TYR: variants seen among roughly 807,000 people sequenced by gnomAD.
TYR encodes the protein LB24-AB.
A neutral mutation model predicts 51.5 loss-of-function variants in TYR; 58 were observed. The observed-to-expected ratio is 1.13, with a 90% CI of 0.91 to 1.40. The LOEUF is 1.40. Ranked by LOEUF, TYR falls within the 40% of genes most tolerant of loss-of-function variation. The pLI, the probability that TYR is intolerant of heterozygous loss-of-function variation, is 0.00. For missense variants in TYR, 732 were observed against 647.4 expected, an observed-to-expected ratio of 1.13 and a Z score of -1.42; for synonymous variants, 263 against 235.2, an observed-to-expected ratio of 1.12 and a Z score of -1.08.
intron 1 of TYR, among the ~76,000 whole-genome samples, chr11:89,190,248 G>A (rs1012788288): frequency 2.0e-5 from 3 of 151,982 alleles, no homozygotes; most frequent in Non-Finnish European, 4.4e-5. Flanking sequence ...TCCACAAAAC[G>A]CCTGGATGTT....
At chr11:89,280,263 T>C (rs1371350702) in intron 3 of TYR, among the ~76,000 whole-genome samples, 1 of 151,718 alleles carries the variant, frequency 6.6e-6, no homozygotes, top group African/African-American at 2.4e-5. Flanking sequence ...CTGTTCTGCC[T>C]ACTTTTTCTT....
intron 4 of TYR, among the ~76,000 whole-genome samples, chr11:89,290,588 A>T (rs1457712530): frequency 6.6e-6 from 1 of 152,052 alleles, no homozygotes. Flanking sequence ...AAAAACAGTA[A>T]CTTTCAAGGT....
intron 2 of TYR, among the ~76,000 whole-genome samples, chr11:89,227,397 C>T (rs1943989431): frequency 6.6e-6 from 1 of 152,098 alleles, no homozygotes; most frequent in African/African-American, 2.4e-5. Context: ...AGAAACCAAA[C>T]TTAAAGTGTT....
At chr11:89,180,035 C>T (rs1486961370) in intron 1 of TYR, among the ~76,000 whole-genome samples, 1 of 152,146 alleles carries the variant, frequency 6.6e-6, no homozygotes, top group Non-Finnish European at 1.5e-5. Flanking sequence ...CAAGTTTGTA[C>T]CCCATCCCAA....
At chr11:89,207,026 A>T (rs1943680770) in intron 2 of TYR, among the ~76,000 whole-genome samples, 1 of 152,094 alleles carries the variant, frequency 6.6e-6, no homozygotes, top group Non-Finnish European at 1.5e-5. Flanking sequence ...GGAAAGAGGT[A>T]AAGTCTCAAG....
chr11:89,197,465 A>G (rs918080927), intron 2 of TYR, among the ~76,000 whole-genome samples: 1 of 152,202 alleles, frequency 6.6e-6, no homozygotes, highest in Admixed American at 6.5e-5. Flanking sequence ...CCAATGTTTA[A>G]AAACCATAAC....
intron 3 of TYR, among the ~76,000 whole-genome samples, chr11:89,228,259 T>C (rs1050878933): frequency 9.2e-5 from 14 of 152,274 alleles, no homozygotes; most frequent in Non-Finnish European, 1.5e-4. Flanking sequence ...CACTAGATCC[T>C]GGTAGAAGGT....
chr11:89,242,885 A>G (rs1944217639), intron 3 of TYR, among the ~76,000 whole-genome samples: 1 of 152,196 alleles, frequency 6.6e-6, no homozygotes, highest in Admixed American at 6.5e-5. Flanking sequence ...ATAGTGTGGT[A>G]ATGAATTAAA....
intron 2 of TYR, among the ~76,000 whole-genome samples, chr11:89,193,674 T>G (rs937847977): frequency 1.3e-5 from 2 of 152,144 alleles, no homozygotes; most frequent in Admixed American, 6.6e-5. Flanking sequence ...GTCCATGTCA[T>G]GAGAGAAAAT....
intron 3 of TYR, among the ~76,000 whole-genome samples, chr11:89,258,644 C>T (rs1381788980): frequency 8.6e-5 from 13 of 152,014 alleles, no homozygotes; most frequent in South Asian, 2.1e-4. Flanking sequence ...GATAAGTGGA[C>T]AGATATTGGG....
At chr11:89,225,690 A>G (rs1259720864) in intron 2 of TYR, among the ~76,000 whole-genome samples, 1 of 151,808 alleles carries the variant, frequency 6.6e-6, no homozygotes, top group Non-Finnish European at 1.5e-5. Context: ...GTAATATTAT[A>G]TGTTCATTTT....
chr11:89,191,214 C>G lies in TYR; in HGVS notation c.832C>G (p.Arg278Gly). The G allele has an allele frequency of 6.2e-7, 1 of 1,613,320 alleles. No homozygotes were observed. The highest frequency in any genetic ancestry group is 1.3e-5 in the African/African-American group (1 of 74,924). The change falls in exon 2 of 5, where the codon CGA (arginine) becomes GGA (glycine). Residue 278 changes from arginine to glycine, a missense_variant. By Grantham distance (125) the Arg-to-Gly change is moderately radical. Transcript: ENST00000263321. Reference sequence around the variant, plus strand: ...GTGTTTTGTACAGATTGTCTGTAGCCGATTGGAGGAGTACAACAGCCATCA... The same window carrying G: ...GTGTTTTGTACAGATTGTCTGTAGCGGATTGGAGGAGTACAACAGCCATCA... ...FFSSWQIVCS[R>G]LEEYNSHQSL...
At chr11:89,199,766 G>A (rs1342250872) in intron 2 of TYR, among the ~76,000 whole-genome samples, 3 of 152,074 alleles carry the variant, frequency 2.0e-5, no homozygotes, top group African/African-American at 7.2e-5. Context: ...ATTTAGCATA[G>A]GCTGTCAGTC....
chr11:89,248,768 T>G (rs2135297689), intron 3 of TYR, among the ~76,000 whole-genome samples: 1 of 152,280 alleles, frequency 6.6e-6, no homozygotes, highest in Admixed American at 6.5e-5. Flanking sequence ...AAAAGTGACA[T>G]GGATTACTCT....
chr11:89,179,192 T>C (rs1399601831), intron 1 of TYR, among the ~76,000 whole-genome samples: 2 of 152,186 alleles, frequency 1.3e-5, no homozygotes, highest in Non-Finnish European at 2.9e-5. Flanking sequence ...ACAGGATTCA[T>C]ATGGTGTACA....
chr11:89,221,981 A>C (rs933515220), intron 2 of TYR, among the ~76,000 whole-genome samples: 1 of 152,226 alleles, frequency 6.6e-6, no homozygotes, highest in Non-Finnish European at 1.5e-5. Context: ...GAGATGATTT[A>C]TGTGCCAATG....
chr11:89,260,927 G>C (rs1210842863), intron 3 of TYR, among the ~76,000 whole-genome samples: 2 of 152,092 alleles, frequency 1.3e-5, no homozygotes, highest in Non-Finnish European at 2.9e-5. Context: ...TCTGCCTCCT[G>C]TCAGCTAAGC....
At chr11:89,251,228 T>C (rs1389852395) in intron 3 of TYR, among the ~76,000 whole-genome samples, 7 of 151,974 alleles carry the variant, frequency 4.6e-5, no homozygotes, top group Non-Finnish European at 8.8e-5. Context: ...AACTAATGTA[T>C]AAAATATCTA....
chr11:89,259,278 C>A (rs1158625872), intron 3 of TYR, among the ~76,000 whole-genome samples: 1 of 152,108 alleles, frequency 6.6e-6, no homozygotes, highest in Non-Finnish European at 1.5e-5. Context: ...TTAGCACTTT[C>A]CTTCTCATAC....
Sources: allele counts gnomAD v4.1 joint callset (sites outside exome capture counted in the v4.1 genomes callset), GRCh38; gene constraint gnomAD v4.1.1; transcripts MANE v1.5; gene names NCBI Gene and HGNC (gene_info 2026-07-23, HGNC 2026-07-21).